NALCN: variants seen among roughly 807,000 people sequenced by gnomAD.
NALCN encodes the protein sodium leak channel NALCN.
A neutral mutation model predicts 225.3 loss-of-function variants in NALCN; 111 were observed. That is an observed-to-expected ratio of 0.49 (90% CI 0.42 to 0.58). The LOEUF (loss-of-function observed/expected upper bound fraction) is 0.58. NALCN is among the 20% of genes least tolerant of loss of function. The pLI, the probability that NALCN is intolerant of heterozygous loss-of-function variation, is 0.00. For missense variants in NALCN, 1,378 were observed against 2,202.4 expected (o/e 0.63, Z 7.49); for synonymous variants, 764 against 769.0 (o/e 0.99, Z 0.11).
At position 101,377,062 on chromosome 13, in the gene NALCN, A is replaced by G; in HGVS notation, c.376-6T>C. 1 of 1,614,066 alleles carries G rather than the reference A, an allele frequency of 6.2e-7. No individual in the cohort carries two copies. The highest frequency in any genetic ancestry group is 8.5e-7 in the Non-Finnish European group (1 of 1,179,976). The stretch of plus-strand genomic sequence containing the variant: ...ATATCAGCAATTTCAAACACCTACA[A>G]ATTAAAAGATGGGTAAATGAGGTTG... On this transcript the variant is annotated splice_polypyrimidine_tract_variant and splice_region_variant and intron_variant, in intron 4 of 43. Transcript: ENST00000251127.
intron 3 of NALCN, among the ~76,000 whole-genome samples, chr13:101,387,198 G>A (rs1241943827): frequency 4.3e-5 from 6 of 140,572 alleles, no homozygotes; most frequent in Middle Eastern, 3.6e-3. Flanking sequence ...TCCGCAGTCC[G>A]GCCTGGGCGA....
intron 38 of NALCN, 138 bp from the exon 39 acceptor site, chr13:101,068,171 G>T: frequency 1.6e-6 from 1 of 613,552 alleles, no homozygotes; most frequent in Non-Finnish European, 2.8e-6. Flanking sequence ...TTTTAGTATG[G>T]TTTCCAAATT....
chr13:101,280,774 A>G (rs2043140951), intron 10 of NALCN, among the ~76,000 whole-genome samples: 1 of 152,050 alleles, frequency 6.6e-6, no homozygotes, highest in Admixed American at 6.5e-5. Flanking sequence ...TGTTCTCTGA[A>G]TCAGCACTTT....
At chr13:101,127,270 G>T (rs958519603) in intron 17 of NALCN, among the ~76,000 whole-genome samples, 2 of 152,174 alleles carry the variant, frequency 1.3e-5, no homozygotes, top group African/African-American at 4.8e-5. Context: ...GAGAGTACTT[G>T]AGAACTGTTT....
At chr13:101,304,890 C>T (rs950976340) in intron 7 of NALCN, among the ~76,000 whole-genome samples, 10 of 150,668 alleles carry the variant, frequency 6.6e-5, no homozygotes, top group African/African-American at 2.4e-4. Flanking sequence ...CGAGTAGCTG[C>T]GACTACAGGT....
At chr13:101,144,250 C>T (rs765110183) in intron 16 of NALCN, among the ~76,000 whole-genome samples, 3 of 152,118 alleles carry the variant, frequency 2.0e-5, no homozygotes, top group Admixed American at 2.0e-4. Flanking sequence ...AAAAACGCCA[C>T]GGTTCTTCTT....
At chr13:101,324,731 T>C (rs1654543306) in intron 7 of NALCN, among the ~76,000 whole-genome samples, 1 of 152,134 alleles carries the variant, frequency 6.6e-6, no homozygotes, top group African/African-American at 2.4e-5. Context: ...ACAGGGACAA[T>C]TTGACTTCCT....
At chr13:101,235,339 T>C (rs2041514755) in intron 12 of NALCN, among the ~76,000 whole-genome samples, 1 of 152,202 alleles carries the variant, frequency 6.6e-6, no homozygotes, top group Non-Finnish European at 1.5e-5. Context: ...ACTATAGCAA[T>C]TTTAAGGCCC....
rs147673722 is a variant in NALCN at position 101,198,074 on chromosome 13, G to A, written c.1627-6020C>T. Among the ~76,000 whole-genome samples the A allele has an allele frequency of 4.7e-3, 711 of 152,268 alleles. 6 individuals are homozygous for A. Among genetic ancestry groups the A allele is most frequent in the African/African-American group, 0.017 (692 of 41,556 alleles). ...TTCCTTGGATATATGAGAACAGGGTGAGAACCAGAGAGTAGAGGGTGAAAG... is the reference window on the plus strand; with the variant it reads ...TTCCTTGGATATATGAGAACAGGGTAAGAACCAGAGAGTAGAGGGTGAAAG... On this transcript the variant is annotated intron_variant, in intron 13 of 43. Transcript: ENST00000251127.
chr13:101,394,625 A>G (rs2047231964), intron 3 of NALCN, among the ~76,000 whole-genome samples: 1 of 152,196 alleles, frequency 6.6e-6, no homozygotes, highest in African/African-American at 2.4e-5. Context: ...TACCCTTTTA[A>G]AACATTTTAT....
intron 17 of NALCN, among the ~76,000 whole-genome samples, chr13:101,132,803 C>T (rs192005934): frequency 3.0e-4 from 46 of 152,184 alleles, no homozygotes; most frequent in Middle Eastern, 3.4e-3. Context: ...AAAGCATTTT[C>T]TAAACTATAT....
At chr13:101,259,479 G>A (rs1212891003) in intron 10 of NALCN, among the ~76,000 whole-genome samples, 4 of 151,392 alleles carry the variant, frequency 2.6e-5, no homozygotes, top group East Asian at 1.9e-4. Context: ...GACTACAGGC[G>A]CCCGCCACCA....
rs142391033 is a variant in NALCN, at chr13:101,347,605, A to G, written c.645-2185T>C. The stretch of plus-strand genomic sequence containing the variant: ...TGTCATCAATGATTTGGTACCTACA[A>G]TATAACAGTAAGATGGTAAGGAGAC... On this transcript the variant is annotated intron_variant, in intron 6 of 43. Coordinates refer to ENST00000251127, the MANE Select transcript of NALCN (RefSeq NM_052867.4). Among the ~76,000 whole-genome samples the G allele has an allele frequency of 5.7e-3, 862 of 152,276 alleles. 4 individuals carry two copies. Among genetic ancestry groups the G allele is most frequent in the Non-Finnish European group, 0.01 (709 of 68,024 alleles).
At chr13:101,319,971 A>C (rs2044688500) in intron 7 of NALCN, among the ~76,000 whole-genome samples, 1 of 152,156 alleles carries the variant, frequency 6.6e-6, no homozygotes, top group Non-Finnish European at 1.5e-5. Flanking sequence ...CACAATCCCT[A>C]AAGCCAAATT....
At chr13:101,099,036 T>C (rs1227454054) in intron 27 of NALCN, among the ~76,000 whole-genome samples, 2 of 151,782 alleles carry the variant, frequency 1.3e-5, no homozygotes, top group Middle Eastern at 3.2e-3. Flanking sequence ...TGGGTATGAG[T>C]GGATAATGTA....
At position 101,346,087 on chromosome 13, in the gene NALCN, C is replaced by CTCTATA; in HGVS notation, c.645-668_645-667insTATAGA. 1.1e-3 allele frequency among the ~76,000 whole-genome samples: 76 copies of CTCTATA among 70,958 alleles called. 1 individual carries two copies. Among genetic ancestry groups the CTCTATA allele is most frequent in the Middle Eastern group, 7.6e-3 (1 of 132 alleles). 46.6% of individuals were successfully genotyped at this position (70,958 alleles called of 152,430 possible). A position where few individuals can be genotyped will look rare whatever the true frequency, so the allele number is the denominator to read the frequency against. On this transcript the variant is annotated intron_variant, in intron 6 of 43. Coordinates refer to ENST00000251127, the MANE Select transcript of NALCN (RefSeq NM_052867.4). ...TCTCTCTCTCTCTCTCTCTCTCTCT[C>CTCTATA]TATATATATATATATATATATATAT... is the stretch of plus-strand genomic sequence containing the variant.
intron 14 of NALCN, among the ~76,000 whole-genome samples, chr13:101,179,141 A>G (rs1297335108): frequency 6.6e-6 from 1 of 152,210 alleles, no homozygotes; most frequent in East Asian, 1.9e-4. Flanking sequence ...AGTGATGTTT[A>G]TCACTGAATT....
At chr13:101,375,555 C>A (rs1233527459) in intron 6 of NALCN, among the ~76,000 whole-genome samples, 1 of 151,908 alleles carries the variant, frequency 6.6e-6, no homozygotes, top group African/African-American at 2.4e-5. Flanking sequence ...CCTTATATAC[C>A]CAATTGGTTT....
At chr13:101,384,922 T>C (rs2046945800) in intron 3 of NALCN, among the ~76,000 whole-genome samples, 1 of 152,176 alleles carries the variant, frequency 6.6e-6, no homozygotes, top group Admixed American at 6.5e-5. Context: ...GTTAAAGACA[T>C]TTCTTGCTGG....
Sources: allele counts gnomAD v4.1 joint callset (sites outside exome capture counted in the v4.1 genomes callset), GRCh38; gene constraint gnomAD v4.1.1; transcripts MANE v1.5; gene names NCBI Gene and HGNC (gene_info 2026-07-23, HGNC 2026-07-21).